EGFR: variants seen among roughly 807,000 people sequenced by gnomAD.
The protein encoded by EGFR is avian erythroblastic leukemia viral (v-erb-b) oncogene homolog.
In EGFR, 58 loss-of-function variants were observed where a neutral mutation model predicts 143.0. The observed-to-expected ratio is 0.41, with a 90% confidence interval of 0.33 to 0.50. The LOEUF is 0.50. Ranked by LOEUF, EGFR falls within the 20% of genes least tolerant of loss-of-function variation. The pLI is 0.39. For synonymous variants in EGFR, 613 were observed against 594.4 expected (o/e 1.03, Z -0.45); for missense variants, 1,307 against 1,579.0 (o/e 0.83, Z 2.92).
intron 22 of EGFR, among the ~76,000 whole-genome samples, chr7:55,193,540 C>T (rs1019771295): frequency 5.3e-5 from 8 of 152,128 alleles, no homozygotes; most frequent in Admixed American, 1.3e-4. Flanking sequence ...TGTCTCTGAC[C>T]GCTGTGCCAG....
chr7:55,079,150 C>T (rs1475022220), intron 1 of EGFR, among the ~76,000 whole-genome samples: 2 of 152,116 alleles, frequency 1.3e-5, no homozygotes, highest in African/African-American at 4.8e-5. Context: ...GGAGGGAAAG[C>T]CCCGCTAAGG....
intron 14 of EGFR, among the ~76,000 whole-genome samples, chr7:55,164,041 A>G (rs1485888969): frequency 6.6e-6 from 1 of 152,018 alleles, no homozygotes; most frequent in Admixed American, 6.5e-5. Context: ...TTCTGCTGAC[A>G]CCCCCAACCT....
At chr7:55,084,248 G>A (rs1384214545) in intron 1 of EGFR, among the ~76,000 whole-genome samples, 1 of 152,062 alleles carries the variant, frequency 6.6e-6, no homozygotes, top group Non-Finnish European at 1.5e-5. Flanking sequence ...TCCTCTTCCA[G>A]GCTCATAAGG....
intron 1 of EGFR, among the ~76,000 whole-genome samples, chr7:55,078,057 C>A (rs950313933): frequency 6.6e-6 from 1 of 152,146 alleles, no homozygotes; most frequent in Non-Finnish European, 1.5e-5. Flanking sequence ...TTTAGAATAA[C>A]GTGCGCGAGT....
At chr7:55,093,894 G>C (rs532365663) in intron 1 of EGFR, among the ~76,000 whole-genome samples, 27 of 152,278 alleles carry the variant, frequency 1.8e-4, no homozygotes, top group African/African-American at 5.8e-4. Flanking sequence ...AACTGTCACT[G>C]GTAGCTCAGG....
intron 1 of EGFR, among the ~76,000 whole-genome samples, chr7:55,087,913 A>G (rs186402978): frequency 6.6e-6 from 1 of 152,296 alleles, no homozygotes; most frequent in Admixed American, 6.5e-5. Context: ...GACATGAGTC[A>G]CTTTGGGCCT....
chr7:55,083,673 G>T (rs1461175954), intron 1 of EGFR, among the ~76,000 whole-genome samples: 1 of 152,156 alleles, frequency 6.6e-6, no homozygotes, highest in Non-Finnish European at 1.5e-5. Flanking sequence ...TGAAGAAAGC[G>T]AATCTTTTTC....
chr7:55,053,413 G>A (rs534764429), intron 1 of EGFR, among the ~76,000 whole-genome samples: 10 of 152,326 alleles, frequency 6.6e-5, no homozygotes, highest in Non-Finnish European at 1.0e-4. Context: ...AGCCAGGGAC[G>A]TGGGAAATCA....
intron 7 of EGFR, 98 bp downstream of exon 7, chr7:55,154,250 G>C: frequency 6.3e-7 from 1 of 1,580,608 alleles, no homozygotes; most frequent in South Asian, 1.1e-5. Context: ...AGAGTCTTTG[G>C]GTGGATGTGT....
chr7:55,041,194 C>T (rs1787876873), intron 1 of EGFR, among the ~76,000 whole-genome samples: 1 of 152,180 alleles, frequency 6.6e-6, no homozygotes, highest in Non-Finnish European at 1.5e-5. Context: ...GGGTGGATCA[C>T]CTGAGGTCAG....
chr7:55,033,771 C>A (rs532228912), intron 1 of EGFR, among the ~76,000 whole-genome samples: 1 of 152,192 alleles, frequency 6.6e-6, no homozygotes, highest in African/African-American at 2.4e-5. Context: ...GCCTCCATGG[C>A]GGGACTCTCA....
Position 55,019,073 on chromosome 7 carries a change from G to C in EGFR, c.-205G>C, listed in dbSNP as rs1256600276. On this transcript the variant is annotated 5_prime_UTR_variant, in exon 1 of 28. Transcript: ENST00000275493. Reference sequence around the variant, plus strand: ...CCGCAGCAGCCTCCGCCCCCCGCACGGTGTGAGCGCCCGACGCGGCCGAGG... The same window carrying C: ...CCGCAGCAGCCTCCGCCCCCCGCACCGTGTGAGCGCCCGACGCGGCCGAGG... The C allele has an allele frequency of 3.5e-6, 1 of 283,578 alleles. No individual in the cohort carries two copies. Among genetic ancestry groups the C allele is most frequent in the Non-Finnish European group, 6.4e-6 (1 of 155,752 alleles). The allele number at this position is 283,578 out of a possible 1,614,324, so 17.6% of individuals were successfully genotyped here.
intron 17 of EGFR, 87 bp downstream of exon 17, chr7:55,173,211 T>C (rs2128952906): frequency 6.4e-7 from 1 of 1,558,536 alleles, no homozygotes; most frequent in South Asian, 1.1e-5. Context: ...TTAGCAGTTG[T>C]GTATGTTAGA....
intron 4 of EGFR, among the ~76,000 whole-genome samples, chr7:55,147,690 T>C (rs17336472): frequency 7.9e-5 from 12 of 152,244 alleles, no homozygotes; most frequent in Non-Finnish European, 1.2e-4. Flanking sequence ...TACATCCACA[T>C]GGGTGTGTGG....
intron 20 of EGFR, among the ~76,000 whole-genome samples, chr7:55,186,248 G>A (rs1422690087): frequency 6.6e-6 from 1 of 152,262 alleles, no homozygotes; most frequent in Non-Finnish European, 1.5e-5. Context: ...GGTGGAGATA[G>A]GCTGTCATGG....
intron 26 of EGFR, 72 bp downstream of exon 26, chr7:55,201,854 T>C (rs1434623804): frequency 6.5e-7 from 1 of 1,537,936 alleles, no homozygotes; most frequent in East Asian, 2.2e-5. Context: ...GGAAAATGCC[T>C]TAACCTAAAT....
At chr7:55,173,351 G>T (rs368419330) in intron 17 of EGFR, among the ~76,000 whole-genome samples, 4 of 152,376 alleles carry the variant, frequency 2.6e-5, no homozygotes, top group African/African-American at 7.2e-5. Context: ...CCACAAAGCT[G>T]TGTGGCATCT....
chr7:55,153,356 G>A (rs1785252139), intron 6 of EGFR, among the ~76,000 whole-genome samples: 1 of 152,258 alleles, frequency 6.6e-6, no homozygotes, highest in Non-Finnish European at 1.5e-5. Flanking sequence ...CAAGGCTGGT[G>A]GATGTGACTC....
chr7:55,205,288 G>A lies in EGFR; in HGVS notation c.3304G>A (p.Ala1102Thr), dbSNP rs1268506326. Reference protein sequence around the residue: ...YINQSVPKRPAGSVQNPVYHN... With the variant: ...YINQSVPKRPTGSVQNPVYHN... The stretch of plus-strand genomic sequence containing the variant: ...AAACCAGTCCGTTCCCAAAAGGCCC[G>A]CTGGCTCTGTGCAGAATCCTGTCTA... Residue 1102 changes from alanine to threonine, a missense_variant, in exon 28 of 28, where the codon GCT (alanine) becomes ACT (threonine). Around this residue, in one of 7 missense-constraint regions of EGFR, gnomAD observed 313 missense variants for 312.3 expected, o/e 1.00. Transcript: ENST00000275493. 1.2e-6 allele frequency: 2 copies of A among 1,612,494 alleles called. No homozygotes were observed. Among genetic ancestry groups the A allele is most frequent in the African/African-American group, 1.3e-5 (1 of 74,850 alleles).
Sources: gnomAD v4.1 joint callset for allele counts (sites outside exome capture counted in the v4.1 genomes callset) on GRCh38, gnomAD v4.1.1 for gene constraint, gnomAD v4.1.1 regional missense constraint, MANE v1.5 for transcripts, NCBI Gene and HGNC (gene_info 2026-07-23, HGNC 2026-07-21) for gene names.